ZFAND4: variants seen among roughly 807,000 people sequenced by gnomAD.
ZFAND4 encodes AN1-type zinc finger protein 4.
A neutral mutation model predicts 64.4 loss-of-function variants in ZFAND4; 43 were observed. The observed-to-expected ratio is 0.67, with a 90% CI of 0.52 to 0.86. The LOEUF is 0.86. ZFAND4 is among the 40% of genes least tolerant of loss of function. The pLI is 0.00. For synonymous variants in ZFAND4, 296 were observed against 305.7 expected (o/e 0.97, Z 0.33); for missense variants, 929 against 859.8 (o/e 1.08, Z -1.01).
intron 6 of ZFAND4, 181 bp downstream of exon 6, chr10:45,639,635 G>C (rs1262765727): frequency 1.8e-6 from 1 of 549,178 alleles, no homozygotes; most frequent in Non-Finnish European, 3.0e-6. Flanking sequence ...AATCCCTTCA[G>C]GTGTGCTTCT....
chr10:45,643,772 C>T (rs1230006018), intron 5 of ZFAND4, among the ~76,000 whole-genome samples: 1 of 146,924 alleles, frequency 6.8e-6, no homozygotes, highest in Non-Finnish European at 1.5e-5. Flanking sequence ...CAGAATGAAA[C>T]AAATTAACAC....
intron 4 of ZFAND4, 68 bp from the exon 5 acceptor site, chr10:45,648,602 G>T: frequency 1.3e-6 from 2 of 1,495,558 alleles, no homozygotes; most frequent in South Asian, 1.3e-5. Context: ...TACAGTGACA[G>T]GATATAATAT....
At chr10:45,619,472 A>G (rs1002797423) in intron 8 of ZFAND4, among the ~76,000 whole-genome samples, 1 of 152,182 alleles carries the variant, frequency 6.6e-6, no homozygotes, top group African/African-American at 2.4e-5. Context: ...ACAAATACAC[A>G]TGTGCTTGGT....
chr10:45,633,509 A>G (rs748339424), intron 6 of ZFAND4, among the ~76,000 whole-genome samples: 18 of 152,090 alleles, frequency 1.2e-4, no homozygotes, highest in Admixed American at 9.8e-4. Context: ...GTTCAGTAAC[A>G]TAGTGAGACT....
chr10:45,618,123 C>A lies in ZFAND4; in HGVS notation c.2048+17G>T. On this transcript the variant is annotated intron_variant, in intron 9 of 9. Coordinates refer to ENST00000344646, the MANE Select transcript of ZFAND4 (RefSeq NM_174890.4). ...TCACAGAGAAAGCATCTGAGCTTCTCCAGCTCGCCAACCTGCCTGCATTCG... is the reference window on the plus strand; with the variant it reads ...TCACAGAGAAAGCATCTGAGCTTCTACAGCTCGCCAACCTGCCTGCATTCG... 1 of 1,601,238 alleles carries A rather than the reference C, an allele frequency of 6.2e-7. No individual in the cohort carries two copies. Among genetic ancestry groups the A allele is most frequent in the South Asian group, 1.1e-5 (1 of 88,004 alleles).
chr10:45,661,792 C>T (rs112713257), intron 2 of ZFAND4, among the ~76,000 whole-genome samples: 9,069 of 151,922 alleles, frequency 0.06, 392 homozygotes, highest in African/African-American at 0.12. Context: ...AGTGCAAAAT[C>T]AGTCAGGCAT....
Position 45,624,332 on chromosome 10 carries a change from T to C in ZFAND4, c.1927+251A>G, listed in dbSNP as rs187184196. Among the ~76,000 whole-genome samples, 18 of 152,348 alleles carry C rather than the reference T, an allele frequency of 1.2e-4. No individual in the cohort carries two copies. The East Asian group carries it at 3.1e-3, about 26-fold the overall frequency. On this transcript the variant is annotated intron_variant, in intron 8 of 9. Coordinates refer to ENST00000344646, the MANE Select transcript of ZFAND4 (RefSeq NM_174890.4). The stretch of plus-strand genomic sequence containing the variant: ...ACATGTTCATTCTTCAATAATCTTG[T>C]GGGTTTTTTTGACATAGATAACACC...
intron 8 of ZFAND4, among the ~76,000 whole-genome samples, chr10:45,624,096 A>C (rs1436664694): frequency 2.0e-5 from 3 of 152,188 alleles, no homozygotes; most frequent in Admixed American, 6.5e-5. Flanking sequence ...AAGAAGTGCT[A>C]ATGTCATGGT....
At chr10:45,651,472 TG>T in intron 4 of ZFAND4, 1 of 437,496 alleles carries the variant, frequency 2.3e-6, no homozygotes. Context: ...ACGTATTTGT[TG>T]AATGAATGAC....
At position 45,648,498 on chromosome 10, in the gene ZFAND4, T is replaced by G. The variant is rs907139662; in HGVS notation, c.365A>C (p.Tyr122Ser). The change falls in exon 5 of 10, where the codon TAC (tyrosine) becomes TCC (serine). Residue 122 changes from tyrosine (Y) to serine (S), a missense_variant. By Grantham distance (144) the Tyr-to-Ser change is moderately radical. Transcript: ENST00000344646. ...TDDPLRKMAE[Y>S]LDSSRVEVWE... Reference sequence around the variant, plus strand: ...GACCTCAACTCGACTGGAATCCAAGTACTCTGCCATCTTCCTAAGTGGATC... The same window carrying G: ...GACCTCAACTCGACTGGAATCCAAGGACTCTGCCATCTTCCTAAGTGGATC... The G allele has an allele frequency of 8.7e-6, 14 of 1,613,324 alleles. No homozygotes were observed. Among genetic ancestry groups the G allele is most frequent in the African/African-American group, 1.3e-5 (1 of 74,920 alleles).
chr10:45,656,442 C>CA (rs1052412043), intron 2 of ZFAND4, among the ~76,000 whole-genome samples: 1 of 126,910 alleles, frequency 7.9e-6, no homozygotes, highest in Non-Finnish European at 1.6e-5. Context: ...CTCAAAGCTT[C>CA]AGTGAGCTGT....
intron 5 of ZFAND4, among the ~76,000 whole-genome samples, chr10:45,647,822 G>A (rs1178303427): frequency 6.6e-6 from 1 of 152,180 alleles, no homozygotes; most frequent in Non-Finnish European, 1.5e-5. Flanking sequence ...GCAACTAACT[G>A]AGAGGTTGCC....
rs889929289 is a variant in ZFAND4, at chr10:45,615,713, T to G, written c.*723A>C. 1 of 152,092 alleles carries G rather than the reference T, an allele frequency of 6.6e-6. No individual in the cohort carries two copies. The highest frequency in any genetic ancestry group is 1.5e-5 in the Non-Finnish European group (1 of 68,020). The allele number at this position is 152,092 out of a possible 1,614,324, so 9.4% of individuals were successfully genotyped here. A position where few individuals can be genotyped will look rare whatever the true frequency, so the allele number is the denominator to read the frequency against. ...ATATTTCAAAAGGTAAAAAGTTGGC[T>G]TCTATATTTAATGGCAAGTGGGACA... On this transcript the variant is annotated 3_prime_UTR_variant, in exon 10 of 10. Coordinates refer to ENST00000344646, the MANE Select transcript of ZFAND4 (RefSeq NM_174890.4).
intron 8 of ZFAND4, among the ~76,000 whole-genome samples, chr10:45,620,213 G>A (rs1008575974): frequency 6.6e-6 from 1 of 152,074 alleles, no homozygotes; most frequent in African/African-American, 2.4e-5. Context: ...GCTGGGCGCG[G>A]TGGCTCACAT....
chr10:45,656,747 T>C (rs928120562), intron 2 of ZFAND4, among the ~76,000 whole-genome samples: 10 of 151,972 alleles, frequency 6.6e-5, no homozygotes, highest in African/African-American at 1.9e-4. Flanking sequence ...GAGGTAAGGA[T>C]GGGGGTCTTT....
intron 6 of ZFAND4, among the ~76,000 whole-genome samples, chr10:45,633,387 A>G (rs2046351494): frequency 1.3e-5 from 2 of 152,142 alleles, no homozygotes; most frequent in Admixed American, 6.5e-5. Flanking sequence ...TCTGAGTTCC[A>G]TGCAATAAAA....
At position 45,655,127 on chromosome 10, in the gene ZFAND4, A is replaced by T. The variant is rs559315897; in HGVS notation, c.185-2068T>A. Among the ~76,000 whole-genome samples, 12 of 152,320 alleles carry T rather than the reference A, an allele frequency of 7.9e-5. No individual in the cohort carries two copies. In the South Asian group the frequency reaches 2.3e-3, roughly 29 times the overall value. Reference sequence around the variant, plus strand: ...CCACAAAAAAGTCTCAAAAATTTTTAAAAAATCAAAATTCTATCAAGTATC... The same window carrying T: ...CCACAAAAAAGTCTCAAAAATTTTTTAAAAATCAAAATTCTATCAAGTATC... On this transcript the variant is annotated intron_variant, in intron 2 of 9. Coordinates refer to ENST00000344646, the MANE Select transcript of ZFAND4 (RefSeq NM_174890.4).
At position 45,671,944 on chromosome 10, in the gene ZFAND4, A is replaced by G. The variant is rs140173249; in HGVS notation, c.-118+306T>C. ...AAACAGGCAATAGCGCTGAATACGTAATTTCAGTAACTCAGAATTTTCTCC... is the reference window on the plus strand; with the variant it reads ...AAACAGGCAATAGCGCTGAATACGTGATTTCAGTAACTCAGAATTTTCTCC... On this transcript the variant is annotated intron_variant, in intron 1 of 9. Coordinates refer to ENST00000344646, the MANE Select transcript of ZFAND4 (RefSeq NM_174890.4). Among the ~76,000 whole-genome samples, 12 of 152,300 alleles carry G rather than the reference A, an allele frequency of 7.9e-5. No homozygotes were observed. The East Asian group carries it at 2.3e-3, about 29-fold the overall frequency.
At chr10:45,667,566 T>A (rs929513961) in intron 1 of ZFAND4, among the ~76,000 whole-genome samples, 1 of 150,162 alleles carries the variant, frequency 6.7e-6, no homozygotes, top group African/African-American at 2.5e-5. Context: ...CCTCCCGAGT[T>A]CAAGCGATTC....
Sources: gnomAD v4.1 joint callset for allele counts (sites outside exome capture counted in the v4.1 genomes callset) on GRCh38, gnomAD v4.1.1 for gene constraint, MANE v1.5 for transcripts, NCBI Gene and HGNC (gene_info 2026-07-23, HGNC 2026-07-21) for gene names.